The following YIPF1 variants were observed in gnomAD, a reference collection of about 807,000 sequenced individuals.
YIPF1 encodes the protein protein YIPF1.
Under a neutral mutation model 37.0 loss-of-function variants are expected in YIPF1, and 22 were observed. The observed-to-expected ratio is 0.59, with a 90% CI of 0.42 to 0.85. YIPF1 has a LOEUF of 0.85. YIPF1 is among the 40% of genes least tolerant of loss of function. The pLI is 0.00. For missense variants in YIPF1, 355 were observed against 373.1 expected, an observed-to-expected ratio of 0.95 and a Z score of 0.40; for synonymous variants, 128 against 131.9, an observed-to-expected ratio of 0.97 and a Z score of 0.21.
At chr1:53,866,443 C>A (rs935764642) in intron 8 of YIPF1, 61 bp from the exon 9 acceptor site, 2 of 1,552,608 alleles carry the variant, frequency 1.3e-6, no homozygotes, top group Non-Finnish European at 8.7e-7. Context: ...ATTCCAGGCA[C>A]ATATGTTTAC....
rs546681043 is a variant in YIPF1 at position 53,857,344 on chromosome 1, T to C, written c.*8+2712A>G. ...ATACCACTGGGCAGCAATAGATAATTAATACAGCACGCAAACTCTCAGCTG... is the reference window on the plus strand; with the variant it reads ...ATACCACTGGGCAGCAATAGATAATCAATACAGCACGCAAACTCTCAGCTG... On this transcript the variant is annotated intron_variant, in intron 10 of 10. Coordinates refer to ENST00000072644, the MANE Select transcript of YIPF1 (RefSeq NM_018982.5). Among the ~76,000 whole-genome samples the C allele has an allele frequency of 2.0e-5, 3 of 152,114 alleles. No individual in the cohort carries two copies. In the South Asian group the frequency reaches 6.2e-4, roughly 31 times the overall value.
chr1:53,854,866 A>G (rs1307430278), intron 10 of YIPF1: 1 of 152,062 alleles, frequency 6.6e-6, no homozygotes, highest in African/African-American at 2.4e-5. Flanking sequence ...GGTGCTAGGG[A>G]GCTATATTGG....
chr1:53,888,062 C>T (rs1406805250), intron 3 of YIPF1, among the ~76,000 whole-genome samples: 1 of 152,132 alleles, frequency 6.6e-6, no homozygotes, highest in East Asian at 1.9e-4. Flanking sequence ...CCCGTCTCTA[C>T]TAAAAATACA....
intron 10 of YIPF1, among the ~76,000 whole-genome samples, chr1:53,853,052 G>C (rs67497340): frequency 0.38 from 57,931 of 151,916 alleles, 11,768 homozygotes; most frequent in Middle Eastern, 0.47. Flanking sequence ...AAGGTGAGTG[G>C]GGGGAATCTA....
In YIPF1 at chr1:53,866,304, C is replaced by T. The variant is rs761203749; in HGVS notation, c.727G>A (p.Ala243Thr). 2.7e-5 allele frequency: 44 copies of T among 1,613,994 alleles called. No individual in the cohort carries two copies. Among genetic ancestry groups the T allele is most frequent in the Non-Finnish European group, 3.6e-5 (42 of 1,180,032 alleles). ...CGAACAGCTGGCCAAAATGTCATTG[C>T]CAAGAGAGATCCTGAGATGCCCAGG... The part of the protein sequence containing the change: ...IALGISGSLL[A>T]MTFWPAVRED... The change falls in exon 9 of 11, where the codon GCA becomes ACA. Residue 243 changes from alanine (A) to threonine (T), a missense_variant. Transcript: ENST00000072644.
intron 10 of YIPF1, among the ~76,000 whole-genome samples, chr1:53,859,851 A>C (rs1222046444): frequency 1.3e-5 from 2 of 152,178 alleles, no homozygotes; most frequent in Non-Finnish European, 2.9e-5. Flanking sequence ...AACTCTATAA[A>C]GCCAGTATCA....
intron 6 of YIPF1, among the ~76,000 whole-genome samples, chr1:53,877,104 G>T (rs1272263128): frequency 6.6e-6 from 1 of 152,100 alleles, no homozygotes; most frequent in Non-Finnish European, 1.5e-5. Flanking sequence ...ATAAAATAAG[G>T]TGCTAAAAAT....
At chr1:53,870,152 C>T (rs1342574431) in intron 7 of YIPF1, among the ~76,000 whole-genome samples, 1 of 133,392 alleles carries the variant, frequency 7.5e-6, no homozygotes, top group Non-Finnish European at 1.6e-5. Context: ...AGCCACCGCA[C>T]CGGGTCTCTT....
At chr1:53,867,033 G>C in intron 7 of YIPF1, 109 bp from the exon 8 acceptor site, 1 of 1,298,624 alleles carries the variant, frequency 7.7e-7, no homozygotes, top group Non-Finnish European at 1.0e-6. Context: ...ATTGACTTCA[G>C]TGGACCACGG....
At chr1:53,862,394 C>T (rs1207318184) in intron 9 of YIPF1, among the ~76,000 whole-genome samples, 5 of 152,162 alleles carry the variant, frequency 3.3e-5, no homozygotes, top group Non-Finnish European at 5.9e-5. Flanking sequence ...GCTGAATCAG[C>T]AGGTTCTCTG....
At chr1:53,861,112 CTA>C (rs896419016) in intron 9 of YIPF1, among the ~76,000 whole-genome samples, 2 of 152,232 alleles carry the variant, frequency 1.3e-5, no homozygotes, top group African/African-American at 4.8e-5. Context: ...CTACCTGTTG[CTA>C]TTCCATGTTA....
chr1:53,878,484 T>C, intron 5 of YIPF1, 82 bp from the exon 6 acceptor site: 1 of 1,516,582 alleles, frequency 6.6e-7, no homozygotes, highest in South Asian at 1.2e-5. Flanking sequence ...AACTCAGTCA[T>C]TAGAGCTTTT....
At chr1:53,888,070 A>G (rs1186109496) in intron 3 of YIPF1, among the ~76,000 whole-genome samples, 2 of 152,198 alleles carry the variant, frequency 1.3e-5, no homozygotes, top group Non-Finnish European at 2.9e-5. Flanking sequence ...TACTAAAAAT[A>G]CAAAAATTAG....
At chr1:53,877,967 A>G (rs1277293499) in intron 6 of YIPF1, among the ~76,000 whole-genome samples, 1 of 152,154 alleles carries the variant, frequency 6.6e-6, no homozygotes, top group Admixed American at 6.5e-5. Flanking sequence ...CCTTTAGTAG[A>G]GACAGGGTCT....
chr1:53,855,411 GA>G (rs1307804079), intron 10 of YIPF1, among the ~76,000 whole-genome samples: 1 of 151,956 alleles, frequency 6.6e-6, no homozygotes, highest in Non-Finnish European at 1.5e-5. Flanking sequence ...GCCCTCATGT[GA>G]AAAGTTAATG....
chr1:53,865,823 C>T (rs747087262), intron 9 of YIPF1, among the ~76,000 whole-genome samples: 1 of 152,120 alleles, frequency 6.6e-6, no homozygotes, highest in Non-Finnish European at 1.5e-5. Context: ...CCCTCGGTCA[C>T]CCAGGCCGGA....
intron 6 of YIPF1, among the ~76,000 whole-genome samples, chr1:53,877,366 A>G (rs1483973398): frequency 1.3e-5 from 2 of 152,362 alleles, no homozygotes; most frequent in South Asian, 4.1e-4. Flanking sequence ...ATATATATCA[A>G]TGATCCTCAC....
At chr1:53,860,837 G>A (rs1569602760) in intron 9 of YIPF1, among the ~76,000 whole-genome samples, 1 of 152,186 alleles carries the variant, frequency 6.6e-6, no homozygotes, top group South Asian at 2.1e-4. Context: ...GTAAAGGAGG[G>A]AAGACATAAG....
intron 3 of YIPF1, among the ~76,000 whole-genome samples, chr1:53,885,340 T>C (rs761480863): frequency 6.6e-6 from 1 of 152,120 alleles, no homozygotes; most frequent in Non-Finnish European, 1.5e-5. Flanking sequence ...TTAAAATAAC[T>C]AGAAAAGTAT....
Sources: allele counts gnomAD v4.1 joint callset (sites outside exome capture counted in the v4.1 genomes callset), GRCh38; gene constraint gnomAD v4.1.1; transcripts MANE v1.5; gene names NCBI Gene and HGNC (gene_info 2026-07-23, HGNC 2026-07-21).